Variants in STIM2 observed in about 807,000 individuals in gnomAD.
STIM2 encodes stromal interaction molecule 2.
In STIM2, 31 loss-of-function variants were observed where a neutral mutation model predicts 85.8. The observed-to-expected ratio is 0.36, with a 90% confidence interval of 0.27 to 0.49. The LOEUF (loss-of-function observed/expected upper bound fraction) is 0.49. Among genes scored for constraint, STIM2 ranks in the 20% least tolerant of loss-of-function variants. The pLI is 0.98. For missense variants in STIM2, 841 were observed against 927.6 expected (o/e 0.91, Z 1.21); for synonymous variants, 356 against 331.1 (o/e 1.08, Z -0.82).
intron 10 of STIM2, among the ~76,000 whole-genome samples, chr4:27,014,751 G>A (rs2109142342): frequency 6.6e-6 from 1 of 151,994 alleles, no homozygotes; most frequent in African/African-American, 2.4e-5. Context: ...TCTTCTATGA[G>A]TTGCAGAGAG....
intron 3 of STIM2, among the ~76,000 whole-genome samples, chr4:26,960,379 GTA>G (rs1197709288): frequency 7.2e-5 from 11 of 151,960 alleles, no homozygotes; most frequent in African/African-American, 1.2e-4. Context: ...ATGTGTGTAT[GTA>G]TATATATGTA....
intron 3 of STIM2, among the ~76,000 whole-genome samples, chr4:26,975,631 C>G (rs947865283): frequency 6.6e-6 from 1 of 152,182 alleles, no homozygotes; most frequent in African/African-American, 2.4e-5. Flanking sequence ...GAAGCTTCGT[C>G]CCACAGGAGC....
chr4:26,877,332 C>T (rs867173270), intron 1 of STIM2, among the ~76,000 whole-genome samples: 10 of 152,028 alleles, frequency 6.6e-5, no homozygotes, highest in African/African-American at 1.4e-4. Context: ...TTACAGTTTT[C>T]GTATCCCTGC....
At chr4:26,899,551 G>C (rs982523183) in intron 1 of STIM2, among the ~76,000 whole-genome samples, 1 of 152,028 alleles carries the variant, frequency 6.6e-6, no homozygotes, top group African/African-American at 2.4e-5. Flanking sequence ...TTTCTTTGTG[G>C]GAGAAATTCC....
At chr4:26,973,955 GCA>G (rs1727079178) in intron 3 of STIM2, among the ~76,000 whole-genome samples, 3 of 152,144 alleles carry the variant, frequency 2.0e-5, no homozygotes, top group Non-Finnish European at 2.9e-5. Flanking sequence ...AGGATAGTTA[GCA>G]CTTCTTGTTG....
intron 3 of STIM2, among the ~76,000 whole-genome samples, chr4:26,988,144 A>AT (rs1214222010): frequency 1.3e-5 from 2 of 152,190 alleles, no homozygotes; most frequent in African/African-American, 2.4e-5. Context: ...GGAATGTGGC[A>AT]TTTTTTTGTG....
intron 3 of STIM2, among the ~76,000 whole-genome samples, chr4:26,962,281 G>A (rs999595804): frequency 2.6e-5 from 4 of 152,156 alleles, no homozygotes; most frequent in Non-Finnish European, 5.9e-5. Flanking sequence ...CCTGTTAGGC[G>A]CTTAGTAAAG....
chr4:26,976,196 C>T (rs772963691), intron 3 of STIM2, among the ~76,000 whole-genome samples: 1 of 152,030 alleles, frequency 6.6e-6, no homozygotes, highest in African/African-American at 2.4e-5. Context: ...CGACCCCTTG[C>T]ACTTCTCGGG....
intron 1 of STIM2, among the ~76,000 whole-genome samples, chr4:26,910,637 T>C (rs1188712632): frequency 2.6e-5 from 4 of 152,336 alleles, no homozygotes; most frequent in African/African-American, 4.8e-5. Context: ...CTCGCTTATT[T>C]AGATACACTG....
At chr4:26,942,970 C>T (rs938057455) in intron 2 of STIM2, among the ~76,000 whole-genome samples, 7 of 152,082 alleles carry the variant, frequency 4.6e-5, no homozygotes, top group African/African-American at 1.7e-4. Context: ...AAATTGAGTC[C>T]TGATTTCTTG....
chr4:26,961,240 C>T (rs1346028624), intron 3 of STIM2, among the ~76,000 whole-genome samples: 1 of 152,048 alleles, frequency 6.6e-6, no homozygotes. Flanking sequence ...GAGGCTCTGG[C>T]CAAATTGAGC....
At chr4:26,886,621 C>T (rs190603254) in intron 1 of STIM2, among the ~76,000 whole-genome samples, 1 of 152,188 alleles carries the variant, frequency 6.6e-6, no homozygotes, top group East Asian at 1.9e-4. Context: ...GAGAAACTTC[C>T]AGGAGACCAC....
At chr4:26,940,457 C>G (rs750482577) in intron 2 of STIM2, among the ~76,000 whole-genome samples, 3 of 152,166 alleles carry the variant, frequency 2.0e-5, no homozygotes, top group Admixed American at 6.6e-5. Flanking sequence ...TGCTTTCTGT[C>G]TGTGCTTTTC....
chr4:26,948,394 A>G (rs145543605), intron 2 of STIM2, among the ~76,000 whole-genome samples: 287 of 152,296 alleles, frequency 1.9e-3, no homozygotes, highest in Non-Finnish European at 3.6e-3. Context: ...CCTCAATTCA[A>G]ACATGCATCT....
At chr4:26,864,046 C>T (rs1722308400) in intron 1 of STIM2, among the ~76,000 whole-genome samples, 1 of 152,022 alleles carries the variant, frequency 6.6e-6, no homozygotes, top group Non-Finnish European at 1.5e-5. Flanking sequence ...TTAAATTATC[C>T]TGTGTTTATT....
chr4:27,003,045 A>G lies in STIM2; in HGVS notation c.922A>G (p.Arg308Gly). The G allele has an allele frequency of 6.2e-7, 1 of 1,605,656 alleles. No individual in the cohort carries two copies. Among genetic ancestry groups the G allele is most frequent in the Non-Finnish European group, 8.5e-7 (1 of 1,176,922 alleles). ...GGAGGCTTGTCGGCTGAGAGAGCTA[A>G]GGGAGGGAGCTGAATGTGAATTGAG... The change falls in exon 7 of 12, where the codon AGG becomes GGG. Residue 308 changes from arginine to glycine, a missense_variant. Physicochemically the swap from Arg to Gly is moderately radical, Grantham distance 125. Around this residue, in one of 3 missense-constraint regions of STIM2, gnomAD observed 408 missense variants for 525.4 expected, o/e 0.78. Transcript: ENST00000467087.
rs1013136504 is a variant in STIM2 at position 26,869,368 on chromosome 4, A to G, written c.151+7999A>G. On this transcript the variant is annotated intron_variant, in intron 1 of 11. Transcript: ENST00000467087. ...TCTAGGTCTGTTACATATGGGTCCTAAAAAGAACTATAGAGGGTTAAAGTG... is the reference window on the plus strand; with the variant it reads ...TCTAGGTCTGTTACATATGGGTCCTGAAAAGAACTATAGAGGGTTAAAGTG... 3.3e-5 allele frequency among the ~76,000 whole-genome samples: 5 copies of G among 152,092 alleles called. No homozygotes were observed. The East Asian group carries it at 9.6e-4, about 29-fold the overall frequency.
At chr4:26,870,437 T>A (rs1722573016) in intron 1 of STIM2, among the ~76,000 whole-genome samples, 1 of 152,228 alleles carries the variant, frequency 6.6e-6, no homozygotes, top group Admixed American at 6.5e-5. Context: ...TATGCCTTAC[T>A]GAAGTTATAA....
chr4:26,919,475 G>A, intron 1 of STIM2, 29 bp from the exon 2 acceptor site: 2 of 1,611,952 alleles, frequency 1.2e-6, no homozygotes, highest in Non-Finnish European at 8.5e-7. Context: ...GGTATGGCAA[G>A]TTAGTAATTG....
Sources: gnomAD v4.1 joint callset for allele counts (sites outside exome capture counted in the v4.1 genomes callset) on GRCh38, gnomAD v4.1.1 for gene constraint, gnomAD v4.1.1 regional missense constraint, MANE v1.5 for transcripts, NCBI Gene and HGNC (gene_info 2026-07-23, HGNC 2026-07-21) for gene names.